RBL2: variants seen among roughly 807,000 people sequenced by gnomAD.
RBL2 encodes the protein retinoblastoma-like protein 2.
RBL2 carries 56 observed loss-of-function variants against 126.0 expected under a neutral mutation model. That is an observed-to-expected ratio of 0.44 (90% CI 0.36 to 0.56). RBL2 has a LOEUF of 0.56. Among genes scored for constraint, RBL2 ranks in the 20% least tolerant of loss-of-function variants. RBL2 has a pLI of 0.00. For synonymous variants in RBL2, 454 were observed against 478.5 expected, an observed-to-expected ratio of 0.95 and a Z score of 0.67; for missense variants, 1,229 against 1,398.2, an observed-to-expected ratio of 0.88 and a Z score of 1.93.
chr16:53,491,252 A>G lies in RBL2; in HGVS notation c.*952A>G, dbSNP rs1479684392. ...AGGGAGTTATCTAAAAGAAATGTCT[A>G]TTAAGGTGATATATTTAAAAATATT... On this transcript the variant is annotated 3_prime_UTR_variant, in exon 22 of 22. Coordinates refer to ENST00000262133, the MANE Select transcript of RBL2 (RefSeq NM_005611.4). 1.3e-5 allele frequency: 2 copies of G among 152,198 alleles called. No homozygotes were observed. Among genetic ancestry groups the G allele is most frequent in the African/African-American group, 4.8e-5 (2 of 41,452 alleles). 9.4% of individuals were successfully genotyped at this position (152,198 alleles called of 1,614,324 possible).
intron 9 of RBL2, among the ~76,000 whole-genome samples, chr16:53,460,847 G>A (rs894854033): frequency 1.3e-5 from 2 of 151,882 alleles, no homozygotes; most frequent in African/African-American, 4.8e-5. Flanking sequence ...ATATATATTT[G>A]TGATCAAGAT....
chr16:53,461,906 C>A, intron 10 of RBL2, 56 bp downstream of exon 10: 2 of 1,397,880 alleles, frequency 1.4e-6, no homozygotes, highest in South Asian at 2.3e-5. Context: ...TAAATGGAGT[C>A]ATTTCTTACT....
intron 4 of RBL2, among the ~76,000 whole-genome samples, chr16:53,448,032 T>TG (rs1255658551): frequency 6.6e-6 from 1 of 152,252 alleles, no homozygotes; most frequent in African/African-American, 2.4e-5. Flanking sequence ...CTGTATACTA[T>TG]GTGGAATGCC....
At chr16:53,462,250 C>CATACCTCAA (rs2058228439) in intron 10 of RBL2, among the ~76,000 whole-genome samples, 1 of 152,042 alleles carries the variant, frequency 6.6e-6, no homozygotes, top group Non-Finnish European at 1.5e-5. Context: ...AAGCCAATTA[C>CATACCTCAA]ATACCTCTTA....
chr16:53,479,519 AC>A, intron 18 of RBL2: 1 of 491,996 alleles, frequency 2.0e-6, no homozygotes, highest in Non-Finnish European at 3.6e-6. Context: ...GGTTTAGTAA[AC>A]ATACTGTAGG....
intron 2 of RBL2, among the ~76,000 whole-genome samples, chr16:53,441,073 C>T (rs1004032323): frequency 2.1e-5 from 3 of 143,700 alleles, no homozygotes; most frequent in African/African-American, 7.9e-5. Flanking sequence ...GATTCTCATG[C>T]TTCAGCCTCC....
At chr16:53,478,133 C>G (rs555554324) in intron 17 of RBL2, among the ~76,000 whole-genome samples, 1 of 152,114 alleles carries the variant, frequency 6.6e-6, no homozygotes, top group South Asian at 2.1e-4. Flanking sequence ...AATATTTTTT[C>G]TTTCATCACT....
At chr16:53,435,420 CTG>C (rs1460054913) in intron 1 of RBL2, among the ~76,000 whole-genome samples, 2 of 152,152 alleles carry the variant, frequency 1.3e-5, no homozygotes, top group Admixed American at 1.3e-4. Flanking sequence ...AGGATCAGGA[CTG>C]TGGCTACCTC....
At chr16:53,489,653 C>T (rs188834969) in intron 21 of RBL2, 1 of 152,078 alleles carries the variant, frequency 6.6e-6, no homozygotes, top group Non-Finnish European at 1.5e-5. Context: ...ACAATGGATA[C>T]CTTAGGGGGG....
chr16:53,485,445 GA>G (rs1362495135), intron 21 of RBL2, among the ~76,000 whole-genome samples: 1 of 152,038 alleles, frequency 6.6e-6, no homozygotes. Context: ...TGTTCCAAAA[GA>G]AAAAAGGTCT....
chr16:53,463,954 G>T (rs985684492), intron 11 of RBL2, among the ~76,000 whole-genome samples: 20 of 152,114 alleles, frequency 1.3e-4, no homozygotes, highest in Non-Finnish European at 2.8e-4. Flanking sequence ...CAGTGTGTGT[G>T]TGTATTTTGG....
intron 17 of RBL2, among the ~76,000 whole-genome samples, chr16:53,477,310 G>A (rs1396581522): frequency 6.6e-6 from 1 of 152,126 alleles, no homozygotes; most frequent in African/African-American, 2.4e-5. Flanking sequence ...TTTTGCTCTA[G>A]TAACCTTATT....
intron 18 of RBL2, chr16:53,479,591 C>T: frequency 2.2e-6 from 1 of 453,620 alleles, no homozygotes. Context: ...TACCATTCAT[C>T]TCTGAGAGGC....
chr16:53,455,971 C>G (rs1290190542), intron 8 of RBL2, among the ~76,000 whole-genome samples: 1 of 152,042 alleles, frequency 6.6e-6, no homozygotes, highest in Non-Finnish European at 1.5e-5. Context: ...GAGTTCAAGA[C>G]TAGTCTGGGC....
Position 53,464,320 on chromosome 16 carries a change from T to A in RBL2, c.1655T>A (p.Phe552Tyr), listed in dbSNP as rs1440606296. 1 of 1,585,686 alleles carries A rather than the reference T, an allele frequency of 6.3e-7. No homozygotes were observed. Among genetic ancestry groups the A allele is most frequent in the Non-Finnish European group, 8.7e-7 (1 of 1,154,850 alleles). The change falls in exon 12 of 22, where the codon TTT (phenylalanine) becomes TAT (tyrosine). Residue 552 changes from phenylalanine to tyrosine, a missense_variant. By Grantham distance (22) the Phe-to-Tyr change is conservative. This residue lies in a region of RBL2 where 1,070 missense variants were observed against 1,274.3 expected (regional missense o/e 0.84). Transcript: ENST00000262133. ...FSYKPPGNFP[F>Y]ITEIFDVPLY... ...TATAAGCCTCCTGGGAATTTTCCAT[T>A]TATTACTGAAATATTTGATGTGCCT... is the stretch of plus-strand genomic sequence containing the variant.
intron 9 of RBL2, among the ~76,000 whole-genome samples, chr16:53,459,885 C>T (rs562834179): frequency 1.4e-5 from 2 of 143,774 alleles, no homozygotes; most frequent in East Asian, 2.0e-4. Flanking sequence ...TTATTGCCAA[C>T]TGTTCTTTCA....
chr16:53,444,018 G>C (rs898781741), intron 3 of RBL2, among the ~76,000 whole-genome samples: 2 of 152,204 alleles, frequency 1.3e-5, no homozygotes, highest in African/African-American at 2.4e-5. Context: ...GGAGGCTGAG[G>C]CAGGCGAATC....
intron 21 of RBL2, among the ~76,000 whole-genome samples, chr16:53,485,412 T>C (rs1309642687): frequency 1.3e-5 from 2 of 152,202 alleles, no homozygotes; most frequent in Non-Finnish European, 2.9e-5. Flanking sequence ...AAAACAGTGC[T>C]AAGAGAGAAA....
At chr16:53,480,544 A>C in intron 19 of RBL2, 23 bp from the exon 20 acceptor site, 1 of 1,598,578 alleles carries the variant, frequency 6.3e-7, no homozygotes, top group South Asian at 1.1e-5. Context: ...TTGTACTGAC[A>C]GCCTTTGTTC....
Sources: allele counts gnomAD v4.1 joint callset (sites outside exome capture counted in the v4.1 genomes callset), GRCh38; gene constraint gnomAD v4.1.1; regional missense constraint gnomAD v4.1.1; transcripts MANE v1.5; gene names NCBI Gene and HGNC (gene_info 2026-07-23, HGNC 2026-07-21).